Variants in OTUD7A observed in about 807,000 individuals in gnomAD.
OTUD7A encodes the protein OTU domain-containing protein 7A.
A neutral mutation model predicts 65.7 loss-of-function variants in OTUD7A; 12 were observed. That is an observed-to-expected ratio of 0.18 (90% CI 0.12 to 0.30). The LOEUF is 0.30. Among genes scored for constraint, OTUD7A ranks in the 10% least tolerant of loss-of-function variants. OTUD7A has a pLI of 1.00. For synonymous variants in OTUD7A, 641 were observed against 586.3 expected, an observed-to-expected ratio of 1.09 and a Z score of -1.35; for missense variants, 1,148 against 1,304.8, an observed-to-expected ratio of 0.88 and a Z score of 1.85.
At chr15:31,617,931 C>T (rs561626813) in intron 3 of OTUD7A, among the ~76,000 whole-genome samples, 16 of 146,146 alleles carry the variant, frequency 1.1e-4, no homozygotes, top group South Asian at 4.4e-4. Context: ...CTGCCCCCTC[C>T]GCCCACCCCA....
At chr15:31,494,661 G>C (rs2041359393) in intron 10 of OTUD7A, among the ~76,000 whole-genome samples, 1 of 152,164 alleles carries the variant, frequency 6.6e-6, no homozygotes, top group Non-Finnish European at 1.5e-5. Context: ...AGCCCCAGAG[G>C]GTGCACTCTG....
intron 1 of OTUD7A, among the ~76,000 whole-genome samples, chr15:31,760,362 C>T (rs1345908284): frequency 6.6e-6 from 1 of 152,178 alleles, no homozygotes; most frequent in African/African-American, 2.4e-5. Context: ...AACTTCATAT[C>T]TCCCTCCAGC....
chr15:31,730,427 G>C (rs1209759029), intron 1 of OTUD7A, among the ~76,000 whole-genome samples: 1 of 152,166 alleles, frequency 6.6e-6, no homozygotes, highest in Admixed American at 6.5e-5. Flanking sequence ...TGTTCTGAAT[G>C]GGCCTTGCTT....
intron 5 of OTUD7A, among the ~76,000 whole-genome samples, chr15:31,540,050 G>A (rs1887938361): frequency 6.6e-6 from 1 of 152,160 alleles, no homozygotes; most frequent in Non-Finnish European, 1.5e-5. Flanking sequence ...TCTAACTAAT[G>A]CAAACTAATG....
intron 1 of OTUD7A, among the ~76,000 whole-genome samples, chr15:31,835,836 A>G (rs1351782812): frequency 6.6e-6 from 1 of 152,070 alleles, no homozygotes; most frequent in Non-Finnish European, 1.5e-5. Context: ...ACACACACAC[A>G]TGGGTTGAGT....
At chr15:31,625,086 A>C (rs1890910589) in intron 3 of OTUD7A, among the ~76,000 whole-genome samples, 1 of 152,196 alleles carries the variant, frequency 6.6e-6, no homozygotes, top group African/African-American at 2.4e-5. Flanking sequence ...GAGGGAAGTC[A>C]ACTGATGCTT....
chr15:31,800,264 G>A (rs1050310144), intron 1 of OTUD7A, among the ~76,000 whole-genome samples: 1 of 152,106 alleles, frequency 6.6e-6, no homozygotes, highest in East Asian at 1.9e-4. Flanking sequence ...TCACCTAGAC[G>A]CGCAGCATGT....
intron 1 of OTUD7A, among the ~76,000 whole-genome samples, chr15:31,848,250 C>A (rs1374739674): frequency 6.6e-6 from 1 of 152,106 alleles, no homozygotes; most frequent in African/African-American, 2.4e-5. Flanking sequence ...GAGGCAGGGG[C>A]TAGGGTCTTG....
rs894310446 is a variant in OTUD7A, at chr15:31,483,634, G to A, written c.2462C>T (p.Ala821Val). The A allele has an allele frequency of 1.0e-5, 12 of 1,180,236 alleles. No homozygotes were observed. The highest frequency in any genetic ancestry group is 4.2e-6 in the Non-Finnish European group (4 of 957,696). 73.1% of individuals were successfully genotyped at this position (1,180,236 alleles called of 1,614,324 possible). Reference protein sequence around the residue: ...LSSQSYSPARAAALRTVNTVE... With the variant: ...LSSQSYSPARVAALRTVNTVE... The stretch of plus-strand genomic sequence containing the variant: ...CGTGTTGACGGTGCGCAGGGCGGCG[G>A]CGCGCGCCGGGCTGTAGCTCTGCGA... The change falls in exon 13 of 13, where the codon GCC becomes GTC. Residue 821 changes from alanine to valine, a missense_variant. By Grantham distance (64) the Ala-to-Val change is moderately conservative (BLOSUM62 0). Coordinates refer to ENST00000307050, the MANE Select transcript of OTUD7A (RefSeq NM_001382637.1).
chr15:31,670,144 G>A (rs991631214), intron 1 of OTUD7A, among the ~76,000 whole-genome samples: 3 of 149,428 alleles, frequency 2.0e-5, no homozygotes, highest in African/African-American at 7.6e-5. Flanking sequence ...CTGAGTCAGA[G>A]CCATGAAGAT....
chr15:31,710,871 G>C (rs1280363273), intron 1 of OTUD7A, among the ~76,000 whole-genome samples: 3 of 152,100 alleles, frequency 2.0e-5, no homozygotes, highest in Non-Finnish European at 4.4e-5. Context: ...CCACAAACTT[G>C]GGGTAGGGGA....
intron 3 of OTUD7A, among the ~76,000 whole-genome samples, chr15:31,612,483 C>A (rs1364396964): frequency 6.6e-6 from 1 of 152,136 alleles, no homozygotes; most frequent in African/African-American, 2.4e-5. Flanking sequence ...AAATTGGTAA[C>A]TCTTCTATAT....
At chr15:31,733,181 T>C (rs1165268631) in intron 1 of OTUD7A, among the ~76,000 whole-genome samples, 1 of 152,142 alleles carries the variant, frequency 6.6e-6, no homozygotes, top group Non-Finnish European at 1.5e-5. Flanking sequence ...ACTCAATGGA[T>C]TGCTGTGAGG....
Position 31,697,363 on chromosome 15 carries a change from C to A in OTUD7A, c.-99-40286G>T, listed in dbSNP as rs572335557. Among the ~76,000 whole-genome samples the A allele has an allele frequency of 1.0e-4, 15 of 144,802 alleles. No individual in the cohort carries two copies. The South Asian group carries it at 3.6e-3, about 35-fold the overall frequency. 95.0% of individuals were successfully genotyped at this position (144,802 alleles called of 152,430 possible). A position where few individuals can be genotyped will look rare whatever the true frequency, so the allele number is the denominator to read the frequency against. On this transcript the variant is annotated intron_variant, in intron 1 of 12. Transcript: ENST00000307050. Reference sequence around the variant, plus strand: ...TTCACTCACTCACCCACATTACTTTCTGTGGCGTTAGCAATCACCCTGTTA... The same window carrying A: ...TTCACTCACTCACCCACATTACTTTATGTGGCGTTAGCAATCACCCTGTTA...
chr15:31,592,267 T>A (rs539896385), intron 3 of OTUD7A, among the ~76,000 whole-genome samples: 2 of 152,296 alleles, frequency 1.3e-5, no homozygotes, highest in Non-Finnish European at 2.9e-5. Context: ...TTTTTAAAAC[T>A]TTTTGACTCC....
At chr15:31,865,876 T>C (rs1897863617) in intron 1 of OTUD7A, among the ~76,000 whole-genome samples, 1 of 152,196 alleles carries the variant, frequency 6.6e-6, no homozygotes, top group Non-Finnish European at 1.5e-5. Flanking sequence ...ATTTCCAAGG[T>C]CTAATTTTAT....
Position 31,484,808 on chromosome 15 carries a change from T to C in OTUD7A, c.1372-84A>G, listed in dbSNP as rs1267973971. Reference sequence around the variant, plus strand: ...GCGAGGAAGACACACCTTGCCCCTGTGTTGCCGAGGCTAGGGCCCTGGACC... The same window carrying C: ...GCGAGGAAGACACACCTTGCCCCTGCGTTGCCGAGGCTAGGGCCCTGGACC... On this transcript the variant is annotated intron_variant, in intron 12 of 12. Coordinates refer to ENST00000307050, the MANE Select transcript of OTUD7A (RefSeq NM_001382637.1). The surrounding 1 kb of genome is among the most constrained non-coding windows in gnomAD (Gnocchi z 4.5). 1.3e-6 allele frequency: 2 copies of C among 1,509,174 alleles called. No homozygotes were observed. The highest frequency in any genetic ancestry group is 1.8e-6 in the Non-Finnish European group (2 of 1,131,810). The allele number at this position is 1,509,174 out of a possible 1,614,324, so 93.5% of individuals were successfully genotyped here. A position where few individuals can be genotyped will look rare whatever the true frequency, so the allele number is the denominator to read the frequency against.
intron 1 of OTUD7A, among the ~76,000 whole-genome samples, chr15:31,657,958 T>C (rs974843870): frequency 1.3e-5 from 2 of 152,200 alleles, no homozygotes; most frequent in Non-Finnish European, 2.9e-5. Context: ...AGAATGTCTC[T>C]GAAGGTCTCA....
intron 5 of OTUD7A, among the ~76,000 whole-genome samples, chr15:31,539,497 A>C (rs1320194006): frequency 6.6e-6 from 1 of 152,192 alleles, no homozygotes; most frequent in African/African-American, 2.4e-5. Flanking sequence ...TTCATGAAAA[A>C]CAAAAGAAGA....
Sources: gnomAD v4.1 joint callset for allele counts (sites outside exome capture counted in the v4.1 genomes callset) on GRCh38, gnomAD v4.1.1 for gene constraint, Gnocchi (gnomAD v3.1) non-coding constraint, MANE v1.5 for transcripts, NCBI Gene and HGNC (gene_info 2026-07-23, HGNC 2026-07-21) for gene names.